OSBPL10: variants seen among roughly 807,000 people sequenced by gnomAD.
OSBPL10 encodes the protein oxysterol-binding protein-related protein 10.
Under a neutral mutation model 81.7 loss-of-function variants are expected in OSBPL10, and 49 were observed. That is an observed-to-expected ratio of 0.60 (90% confidence interval 0.48 to 0.76). OSBPL10 has a LOEUF of 0.76. Ranked by LOEUF, OSBPL10 falls within the 30% of genes least tolerant of loss-of-function variation. OSBPL10 has a pLI of 0.00. For synonymous variants in OSBPL10, 419 were observed against 383.6 expected (o/e 1.09, Z -1.08); for missense variants, 923 against 987.8 (o/e 0.93, Z 0.88).
At chr3:31,942,938 A>G in intron 1 of OSBPL10, among the ~76,000 whole-genome samples, 1 of 152,332 alleles carries the variant, frequency 6.6e-6, no homozygotes, top group Admixed American at 6.5e-5. Context: ...AACCATCACT[A>G]CTATCTATTT....
intron 4 of OSBPL10, among the ~76,000 whole-genome samples, chr3:31,818,662 G>A (rs1309362665): frequency 6.6e-6 from 1 of 152,110 alleles, no homozygotes; most frequent in African/African-American, 2.4e-5. Context: ...TCGCTGTTTT[G>A]TTCAGTCTCT....
chr3:32,070,679 G>A (rs553916312), intron 1 of OSBPL10, among the ~76,000 whole-genome samples: 21 of 152,264 alleles, frequency 1.4e-4, no homozygotes, highest in Non-Finnish European at 2.4e-4. Context: ...CGTTTTACCT[G>A]TTCAAAAACT....
At chr3:31,709,994 T>G (rs934445245) in intron 6 of OSBPL10, among the ~76,000 whole-genome samples, 3 of 152,174 alleles carry the variant, frequency 2.0e-5, no homozygotes, top group African/African-American at 7.2e-5. Flanking sequence ...GCAGCACCGA[T>G]CACAGGAAGC....
rs541214019 is a variant in OSBPL10, at chr3:32,040,551, A to G, written n.298+5940T>C. On this transcript the variant is annotated intron_variant and non_coding_transcript_variant, in intron 2 of 3. Transcript: ENST00000479173. ...CTGGCATAGGAGTAAAGTCCAGTAG[A>G]TAGGCCAGACACAGTGGCTCACACC... 2.9e-4 allele frequency among the ~76,000 whole-genome samples: 44 copies of G among 152,056 alleles called. 1 individual carries two copies. Among genetic ancestry groups the G allele is most frequent in the African/African-American group, 9.6e-4 (40 of 41,476 alleles).
At chr3:31,847,871 G>A (rs993816026) in intron 3 of OSBPL10, among the ~76,000 whole-genome samples, 2 of 152,120 alleles carry the variant, frequency 1.3e-5, no homozygotes, top group Non-Finnish European at 2.9e-5. Context: ...GCAGGGCCCA[G>A]AAGCTGCAGC....
In OSBPL10 at chr3:31,889,717, C is replaced by T. The variant is rs139358111; in HGVS notation, c.282-9887G>A. Among the ~76,000 whole-genome samples, 580 of 152,028 alleles carry T rather than the reference C, an allele frequency of 3.8e-3. 1 individual carries two copies. The highest frequency in any genetic ancestry group is 6.4e-3 in the Non-Finnish European group (433 of 67,956). ...TAAAGGATACAAACTTATAGCTAGACGGGAGGATTTCTAGCATTCTATAGC... is the reference window on the plus strand; with the variant it reads ...TAAAGGATACAAACTTATAGCTAGATGGGAGGATTTCTAGCATTCTATAGC... On this transcript the variant is annotated intron_variant, in intron 1 of 11. Transcript: ENST00000396556.
intron 7 of OSBPL10, among the ~76,000 whole-genome samples, chr3:31,693,386 T>C (rs1695614693): frequency 1.3e-5 from 2 of 152,210 alleles, no homozygotes. Context: ...CACTATATCA[T>C]CACCTATAAC....
chr3:31,858,501 C>T (rs912018317), intron 3 of OSBPL10, among the ~76,000 whole-genome samples: 10 of 152,162 alleles, frequency 6.6e-5, no homozygotes, highest in Non-Finnish European at 1.0e-4. Flanking sequence ...GAAACTCATT[C>T]AGTGTCTGGC....
At chr3:32,014,097 A>G (rs969215811) in intron 2 of OSBPL10, among the ~76,000 whole-genome samples, 1 of 152,236 alleles carries the variant, frequency 6.6e-6, no homozygotes, top group Admixed American at 6.5e-5. Flanking sequence ...TCATTTTATG[A>G]GGCCAGCATC....
intron 2 of OSBPL10, among the ~76,000 whole-genome samples, chr3:32,028,581 A>G (rs1699437725): frequency 6.6e-6 from 1 of 152,228 alleles, no homozygotes. Flanking sequence ...AAATTGCAAT[A>G]TGAAACTGAT....
At chr3:31,674,341 C>T (rs187594842) in intron 8 of OSBPL10, among the ~76,000 whole-genome samples, 2 of 151,948 alleles carry the variant, frequency 1.3e-5, no homozygotes, top group African/African-American at 4.8e-5. Context: ...ATGGCTTGAG[C>T]CCAGGAGTTT....
At position 31,997,171 on chromosome 3, in the gene OSBPL10, T is replaced by C. The variant is rs186040578; in HGVS notation, n.298+49320A>G. Among the ~76,000 whole-genome samples the C allele has an allele frequency of 2.0e-5, 3 of 152,322 alleles. No individual in the cohort carries two copies. The East Asian group carries it at 5.8e-4, about 29-fold the overall frequency. ...TTTTAAAAAGCATGCCCGATTTATG[T>C]GCACAGCAGAGCCCTGTAAATATGA... On this transcript the variant is annotated intron_variant and non_coding_transcript_variant, in intron 2 of 3. Transcript: ENST00000479173.
intron 1 of OSBPL10, among the ~76,000 whole-genome samples, chr3:31,913,170 G>A (rs1696640464): frequency 6.6e-6 from 1 of 151,968 alleles, no homozygotes; most frequent in African/African-American, 2.4e-5. Flanking sequence ...CACCCCTGGA[G>A]ACCCTGTAGG....
At chr3:31,814,818 G>C (rs906889890) in intron 4 of OSBPL10, among the ~76,000 whole-genome samples, 2 of 152,110 alleles carry the variant, frequency 1.3e-5, no homozygotes, top group African/African-American at 4.8e-5. Context: ...AGGGATATGG[G>C]GCTATTTAGG....
chr3:31,847,563 G>A lies in OSBPL10; in HGVS notation c.538-17332C>T, dbSNP rs111592629. Among the ~76,000 whole-genome samples the A allele has an allele frequency of 6.5e-3, 985 of 152,060 alleles. 15 individuals are homozygous for A. The highest frequency in any genetic ancestry group is 0.056 in the South Asian group (268 of 4,814). ...CTGTCCTTTCCTTAAACTATTCACC[G>A]GCATTACCCCAATCCATATCTGTGT... On this transcript the variant is annotated intron_variant, in intron 3 of 11. Coordinates refer to ENST00000396556, the MANE Select transcript of OSBPL10 (RefSeq NM_017784.5).
intron 3 of OSBPL10, among the ~76,000 whole-genome samples, chr3:31,840,194 G>C (rs1001383499): frequency 1.3e-5 from 2 of 152,140 alleles, no homozygotes; most frequent in African/African-American, 4.8e-5. Flanking sequence ...TGGGGACAAG[G>C]GCTCCTATTT....
At chr3:31,915,205 A>T (rs1025945935) in intron 1 of OSBPL10, among the ~76,000 whole-genome samples, 1 of 151,974 alleles carries the variant, frequency 6.6e-6, no homozygotes, top group African/African-American at 2.4e-5. Flanking sequence ...CAGGGGGGAA[A>T]AAAAACCATT....
intron 1 of OSBPL10, among the ~76,000 whole-genome samples, chr3:31,883,061 T>C (rs1695633523): frequency 6.6e-6 from 1 of 152,118 alleles, no homozygotes; most frequent in Non-Finnish European, 1.5e-5. Flanking sequence ...CTATATTTAA[T>C]GTCATTCTGA....
At chr3:31,923,573 T>G (rs929572936) in intron 1 of OSBPL10, among the ~76,000 whole-genome samples, 2 of 151,996 alleles carry the variant, frequency 1.3e-5, no homozygotes, top group Non-Finnish European at 2.9e-5. Context: ...GAGGATCACT[T>G]GAGCCCAAAA....
Sources: allele counts gnomAD v4.1 joint callset (sites outside exome capture counted in the v4.1 genomes callset), GRCh38; gene constraint gnomAD v4.1.1; transcripts MANE v1.5; gene names NCBI Gene and HGNC (gene_info 2026-07-23, HGNC 2026-07-21).